ERC1: variants seen among roughly 807,000 people sequenced by gnomAD.
The protein encoded by ERC1 is RAB6 interacting protein 2.
ERC1 carries 56 observed loss-of-function variants against 132.0 expected under a neutral mutation model. The ratio of observed to expected loss-of-function variants is 0.42; its 90% CI spans 0.34 to 0.53. The LOEUF (loss-of-function observed/expected upper bound fraction) is 0.53. Among genes scored for constraint, ERC1 ranks in the 20% least tolerant of loss-of-function variants. The pLI, the probability that ERC1 is intolerant of heterozygous loss-of-function variation, is 0.03. For missense variants in ERC1, 1,202 were observed against 1,349.9 expected (o/e 0.89, Z 1.72); for synonymous variants, 478 against 476.1 (o/e 1.00, Z -0.05).
In ERC1 at chr12:1,070,280, T is replaced by C. The variant is rs116412309; in HGVS notation, c.670-12884T>C. Reference sequence around the variant, plus strand: ...AATCATTTAAATTATCATCCCTTCTTTTTTTCTTACTTTCTTTTTTTCTTT... The same window carrying C: ...AATCATTTAAATTATCATCCCTTCTCTTTTTCTTACTTTCTTTTTTTCTTT... On this transcript the variant is annotated intron_variant, in intron 2 of 18. Transcript: ENST00000360905. Among the ~76,000 whole-genome samples the C allele has an allele frequency of 7.5e-3, 1,134 of 151,802 alleles. 15 individuals carry two copies. Among genetic ancestry groups the C allele is most frequent in the African/African-American group, 0.026 (1,085 of 41,464 alleles).
intron 2 of ERC1, among the ~76,000 whole-genome samples, chr12:1,068,269 G>C (rs895932523): frequency 1.5e-5 from 2 of 129,106 alleles, no homozygotes; most frequent in African/African-American, 5.4e-5. Context: ...TTTGGAGAGA[G>C]ATGTTCAAGT....
chr12:1,427,550 C>T (rs572884280), intron 17 of ERC1, among the ~76,000 whole-genome samples: 1 of 152,134 alleles, frequency 6.6e-6, no homozygotes, highest in East Asian at 1.9e-4. Flanking sequence ...ACCTGTAAAA[C>T]TGGCAAGATA....
At chr12:1,210,999 A>G (rs939552477) in intron 12 of ERC1, among the ~76,000 whole-genome samples, 1 of 150,800 alleles carries the variant, frequency 6.6e-6, no homozygotes, top group Admixed American at 6.6e-5. Context: ...AAAAAAAAAA[A>G]TGTAGCTAGC....
At chr12:1,488,221 T>C (rs1030467751) in intron 18 of ERC1, among the ~76,000 whole-genome samples, 5 of 151,700 alleles carry the variant, frequency 3.3e-5, no homozygotes, top group Non-Finnish European at 7.4e-5. Context: ...GCTCAAGCGA[T>C]TCCCCCACCC....
Position 1,492,453 on chromosome 12 carries a change from C to T in ERC1, c.*2223C>T, listed in dbSNP as rs779126639. The stretch of plus-strand genomic sequence containing the variant: ...CCATGCCTAAACAAGTGGTCTGGCA[C>T]GGGCACTGGCCAGCTGCTCTCTCCA... On this transcript the variant is annotated 3_prime_UTR_variant, in exon 19 of 19. Coordinates refer to ENST00000360905, the MANE Select transcript of ERC1 (RefSeq NM_178040.4). 6 of 233,102 alleles carry T rather than the reference C, an allele frequency of 2.6e-5. No homozygotes were observed. Among genetic ancestry groups the T allele is most frequent in the East Asian group, 6.0e-5 (1 of 16,598 alleles). The allele number at this position is 233,102 out of a possible 1,614,324, so 14.4% of individuals were successfully genotyped here. A position where few individuals can be genotyped will look rare whatever the true frequency, so the allele number is the denominator to read the frequency against.
At chr12:1,353,223 G>C (rs894336998) in intron 15 of ERC1, among the ~76,000 whole-genome samples, 25 of 151,910 alleles carry the variant, frequency 1.6e-4, no homozygotes, top group African/African-American at 5.8e-4. Context: ...GTAGAGATGG[G>C]GTTTCACCGT....
At chr12:1,038,387 A>G (rs1169187511) in intron 2 of ERC1, among the ~76,000 whole-genome samples, 1 of 149,982 alleles carries the variant, frequency 6.7e-6, no homozygotes, top group Non-Finnish European at 1.5e-5. Context: ...TTTGAGACGG[A>G]GTCTCGCTCT....
chr12:1,230,907 A>G (rs1241180813), intron 12 of ERC1, among the ~76,000 whole-genome samples: 1 of 152,088 alleles, frequency 6.6e-6, no homozygotes, highest in Non-Finnish European at 1.5e-5. Context: ...TACCATTTCC[A>G]TGGAATATCT....
At chr12:1,485,321 C>T (rs2094193638) in intron 18 of ERC1, among the ~76,000 whole-genome samples, 1 of 150,190 alleles carries the variant, frequency 6.7e-6, no homozygotes, top group African/African-American at 2.5e-5. Flanking sequence ...TCTTCTGCCT[C>T]AGCCACCCAA....
intron 8 of ERC1, chr12:1,152,708 G>C (rs897723459): frequency 9.1e-5 from 14 of 153,776 alleles, no homozygotes; most frequent in African/African-American, 3.4e-4. Context: ...GCAACAGACA[G>C]AAATATCGGT....
In ERC1 at chr12:1,495,428, G is replaced by A. The variant is rs760577827; in HGVS notation, c.*5198G>A. ...AAGGAAGTGAACCCTACTGAAGCCA[G>A]AGAATTCACCCCGGCCAAAGCAGGC... On this transcript the variant is annotated 3_prime_UTR_variant, in exon 19 of 19. Coordinates refer to ENST00000360905, the MANE Select transcript of ERC1 (RefSeq NM_178040.4). 4 of 228,516 alleles carry A rather than the reference G, an allele frequency of 1.8e-5. No individual in the cohort carries two copies. The highest frequency in any genetic ancestry group is 4.4e-5 in the African/African-American group (2 of 45,046). 14.2% of individuals were successfully genotyped at this position (228,516 alleles called of 1,614,324 possible).
At chr12:1,267,631 G>T (rs1352171366) in intron 14 of ERC1, among the ~76,000 whole-genome samples, 1 of 151,960 alleles carries the variant, frequency 6.6e-6, no homozygotes, top group African/African-American at 2.4e-5. Context: ...GCATGAGGGG[G>T]TATGCCTATA....
At chr12:1,485,963 A>G (rs2094208988) in intron 18 of ERC1, among the ~76,000 whole-genome samples, 1 of 152,232 alleles carries the variant, frequency 6.6e-6, no homozygotes, top group South Asian at 2.1e-4. Context: ...ATGTTGCTGT[A>G]TGGTATAAGC....
rs141775768 is a variant in ERC1, at chr12:1,468,527, G to A, written c.3214-21566G>A. Among the ~76,000 whole-genome samples the A allele has an allele frequency of 4.4e-3, 671 of 152,218 alleles. 9 individuals are homozygous for A. Among genetic ancestry groups the A allele is most frequent in the African/African-American group, 0.015 (634 of 41,532 alleles). ...TGAGGCAGGAGAATCGCTAGAACCCGGGAGGTGGAGGTTGCAGTGAGCTGA... is the reference window on the plus strand; with the variant it reads ...TGAGGCAGGAGAATCGCTAGAACCCAGGAGGTGGAGGTTGCAGTGAGCTGA... On this transcript the variant is annotated intron_variant, in intron 18 of 18. Transcript: ENST00000360905.
At chr12:1,385,698 A>G (rs1331100325) in intron 16 of ERC1, 1 of 152,236 alleles carries the variant, frequency 6.6e-6, no homozygotes, top group Non-Finnish European at 1.5e-5. Context: ...GTATTTAGAC[A>G]TCAAGACAAC....
At chr12:1,424,107 GAT>G (rs1389774709) in intron 17 of ERC1, among the ~76,000 whole-genome samples, 1 of 152,008 alleles carries the variant, frequency 6.6e-6, no homozygotes, top group Non-Finnish European at 1.5e-5. Context: ...AGATGCTGTG[GAT>G]AAAATAGTAC....
intron 2 of ERC1, among the ~76,000 whole-genome samples, chr12:1,032,530 TTAAC>T (rs1489246885): frequency 2.4e-4 from 36 of 152,170 alleles, no homozygotes; most frequent in African/African-American, 8.7e-4. Flanking sequence ...GTAATGATCA[TTAAC>T]TGTGACAGGG....
At chr12:1,396,446 A>G (rs2090550788) in intron 16 of ERC1, among the ~76,000 whole-genome samples, 1 of 152,160 alleles carries the variant, frequency 6.6e-6, no homozygotes, top group Admixed American at 6.5e-5. Context: ...TAAGCTGGCA[A>G]TTTTACTAGG....
rs115475443 is a variant in ERC1 at position 1,022,448 on chromosome 12, G to A, written c.-156-5300G>A. Among the ~76,000 whole-genome samples, 1,084 of 152,302 alleles carry A rather than the reference G, an allele frequency of 7.1e-3. 11 individuals are homozygous for A. Among genetic ancestry groups the A allele is most frequent in the African/African-American group, 0.025 (1,038 of 41,554 alleles). ...AACAAACAAGAAAACAAGCTTGGTTGCAGCTTATCAAGCTGATTTCACAAC... is the reference window on the plus strand; with the variant it reads ...AACAAACAAGAAAACAAGCTTGGTTACAGCTTATCAAGCTGATTTCACAAC... On this transcript the variant is annotated intron_variant, in intron 1 of 18. Transcript: ENST00000360905.
Sources: allele counts gnomAD v4.1 joint callset (sites outside exome capture counted in the v4.1 genomes callset), GRCh38; gene constraint gnomAD v4.1.1; transcripts MANE v1.5; gene names NCBI Gene and HGNC (gene_info 2026-07-23, HGNC 2026-07-21).